TIAM1: variants seen among roughly 807,000 people sequenced by gnomAD.
TIAM1 encodes the protein rho guanine nucleotide exchange factor TIAM1.
TIAM1 carries 65 observed loss-of-function variants against 163.5 expected under a neutral mutation model. The observed-to-expected ratio is 0.40, with a 90% confidence interval of 0.33 to 0.49. The LOEUF is 0.49. TIAM1 is among the 20% of genes least tolerant of loss of function. The probability of loss-of-function intolerance (pLI) is 0.77; values close to 1 mark genes in which losing one functional copy is unlikely to be tolerated. For missense variants in TIAM1, 1,789 were observed against 2,044.7 expected, an observed-to-expected ratio of 0.87 and a Z score of 2.41; for synonymous variants, 833 against 810.1, an observed-to-expected ratio of 1.03 and a Z score of -0.48.
In TIAM1 at chr21:31,226,273, G is replaced by A. The variant is rs541244962; in HGVS notation, c.1585-323C>T. Among the ~76,000 whole-genome samples, 3 of 152,298 alleles carry A rather than the reference G, an allele frequency of 2.0e-5. No homozygotes were observed. The East Asian group carries it at 5.8e-4, about 29-fold the overall frequency. ...AACTTGGTGTCTACTCACGAGGGTT[G>A]CTGTGAAGCAAAGGTCAGTTTCCAG... On this transcript the variant is annotated intron_variant, in intron 6 of 27. Transcript: ENST00000541036.
chr21:31,455,616 T>C (rs899290661), intron 2 of TIAM1, among the ~76,000 whole-genome samples: 4 of 152,044 alleles, frequency 2.6e-5, no homozygotes, highest in Non-Finnish European at 5.9e-5. Context: ...TAATGAAATA[T>C]AGGCCACTGA....
At chr21:31,450,807 A>T (rs971330417) in intron 2 of TIAM1, among the ~76,000 whole-genome samples, 1 of 152,108 alleles carries the variant, frequency 6.6e-6, no homozygotes, top group African/African-American at 2.4e-5. Flanking sequence ...AAACCATCAG[A>T]TCTCATGAGA....
intron 1 of TIAM1, among the ~76,000 whole-genome samples, chr21:31,468,865 CT>C (rs975926392): frequency 6.6e-6 from 1 of 152,014 alleles, no homozygotes; most frequent in African/African-American, 2.4e-5. Flanking sequence ...GGATCTGTGC[CT>C]GGGAGGCTGC....
intron 6 of TIAM1, among the ~76,000 whole-genome samples, chr21:31,244,450 C>T (rs114331931): frequency 3.5e-4 from 54 of 152,296 alleles, no homozygotes; most frequent in African/African-American, 1.1e-3. Context: ...GTCAGCTGGG[C>T]GCAGTGGCTT....
intron 2 of TIAM1, among the ~76,000 whole-genome samples, chr21:31,386,175 G>C (rs565657945): frequency 1.3e-5 from 2 of 152,218 alleles, no homozygotes; most frequent in African/African-American, 4.8e-5. Context: ...GAGGCTCTGA[G>C]AGGGGCTGTG....
intron 16 of TIAM1, among the ~76,000 whole-genome samples, chr21:31,158,628 A>G (rs1289909324): frequency 6.6e-6 from 1 of 152,184 alleles, no homozygotes; most frequent in Admixed American, 6.5e-5. Flanking sequence ...TTGGAAACAA[A>G]TTAAAAGGAT....
At chr21:31,540,585 C>T (rs181492046) in intron 1 of TIAM1, among the ~76,000 whole-genome samples, 5 of 152,286 alleles carry the variant, frequency 3.3e-5, no homozygotes, top group Admixed American at 6.5e-5. Context: ...GCAGATGAGG[C>T]TCTCTTATGT....
At chr21:31,124,474 G>A in intron 27 of TIAM1, 48 bp downstream of exon 27, 2 of 1,607,308 alleles carry the variant, frequency 1.2e-6, no homozygotes, top group East Asian at 2.2e-5. Flanking sequence ...GAGTTCTACT[G>A]CGGAGTGGGG....
intron 1 of TIAM1, among the ~76,000 whole-genome samples, chr21:31,537,685 G>A (rs1475160941): frequency 2.6e-5 from 4 of 151,868 alleles, no homozygotes; most frequent in Non-Finnish European, 5.9e-5. Flanking sequence ...CTGGAAGGCG[G>A]AGGTTGCCAT....
In TIAM1 at chr21:31,405,893, AAAACCAAGTCAGAGTCTCC is replaced by A. The variant is rs376490974; in HGVS notation, c.-369+58071_-369+58089del. Among the ~76,000 whole-genome samples, 661 of 152,290 alleles carry A rather than the reference AAAACCAAGTCAGAGTCTCC, an allele frequency of 4.3e-3. 2 individuals carry two copies. The highest frequency in any genetic ancestry group is 0.014 in the African/African-American group (599 of 41,552). ...ATTTAAAAGTGATATTAAGAAAAGC[AAAACCAAGTCAGAGTCTCC>A]AACCACAAAACTCACCTCCACCTTC... On this transcript the variant is annotated intron_variant, in intron 2 of 28. Transcript: ENST00000286827.
At chr21:31,435,944 T>C (rs2044195227) in intron 2 of TIAM1, among the ~76,000 whole-genome samples, 1 of 152,214 alleles carries the variant, frequency 6.6e-6, no homozygotes, top group Non-Finnish European at 1.5e-5. Context: ...GATCTTGGAC[T>C]TCCCAGCCTC....
intron 1 of TIAM1, among the ~76,000 whole-genome samples, chr21:31,466,241 A>C (rs986662392): frequency 1.3e-5 from 2 of 152,230 alleles, no homozygotes; most frequent in Non-Finnish European, 2.9e-5. Flanking sequence ...TCAGTAGCCA[A>C]TGAGCCGGGG....
intron 3 of TIAM1, among the ~76,000 whole-genome samples, chr21:31,276,046 C>T (rs1213045353): frequency 6.6e-6 from 1 of 152,056 alleles, no homozygotes; most frequent in Non-Finnish European, 1.5e-5. Flanking sequence ...GAAGCGAAAT[C>T]ACAAGACAAC....
chr21:31,136,682 T>C (rs989997792), intron 22 of TIAM1, among the ~76,000 whole-genome samples: 1 of 152,238 alleles, frequency 6.6e-6, no homozygotes, highest in East Asian at 1.9e-4. Context: ...GAAATTCACA[T>C]GCAGTTAGTC....
intron 2 of TIAM1, among the ~76,000 whole-genome samples, chr21:31,425,442 G>A (rs868511280): frequency 5.9e-5 from 9 of 152,124 alleles, no homozygotes; most frequent in Middle Eastern, 3.2e-3. Flanking sequence ...ATCTGGTATT[G>A]AGTGCCAAGC....
chr21:31,245,855 T>C (rs926443340), intron 5 of TIAM1, among the ~76,000 whole-genome samples, 195 bp from the exon 6 acceptor site: 2 of 152,194 alleles, frequency 1.3e-5, no homozygotes, highest in African/African-American at 2.4e-5. Context: ...TCTTAAATTG[T>C]AGCTTCTCAG....
chr21:31,119,601 C>G lies in TIAM1; in HGVS notation c.*767G>C, dbSNP rs1301422761. 6.6e-6 allele frequency: 1 copy of G among 152,584 alleles called. No homozygotes were observed. The highest frequency in any genetic ancestry group is 2.4e-5 in the African/African-American group (1 of 41,444). The allele number at this position is 152,584 out of a possible 1,614,324, so 9.5% of individuals were successfully genotyped here. A position where few individuals can be genotyped will look rare whatever the true frequency, so the allele number is the denominator to read the frequency against. ...AGGTTATATCCTCATTTTTTAGGCT[C>G]AGGGATACATACACTAACACTGTAA... is the stretch of plus-strand genomic sequence containing the variant. On this transcript the variant is annotated 3_prime_UTR_variant, in exon 28 of 28. Coordinates refer to ENST00000541036, the MANE Select transcript of TIAM1 (RefSeq NM_001353694.2).
At chr21:31,378,272 A>G (rs1054206164) in intron 2 of TIAM1, among the ~76,000 whole-genome samples, 1 of 152,188 alleles carries the variant, frequency 6.6e-6, no homozygotes, top group Non-Finnish European at 1.5e-5. Context: ...ATCCCTAGAT[A>G]GGTAACATTA....
intron 1 of TIAM1, among the ~76,000 whole-genome samples, chr21:31,550,519 G>C (rs935090751): frequency 2.6e-5 from 4 of 152,158 alleles, no homozygotes; most frequent in African/African-American, 7.2e-5. Flanking sequence ...AATGGGTACA[G>C]GGTTTCTTTT....
Sources: allele counts gnomAD v4.1 joint callset (sites outside exome capture counted in the v4.1 genomes callset), GRCh38; gene constraint gnomAD v4.1.1; transcripts MANE v1.5; gene names NCBI Gene and HGNC (gene_info 2026-07-23, HGNC 2026-07-21).